Variants in ABCA1 observed in about 807,000 individuals in gnomAD.
ABCA1 encodes phospholipid-transporting ATPase ABCA1.
A neutral mutation model predicts 262.5 loss-of-function variants in ABCA1; 133 were observed. The ratio of observed to expected loss-of-function variants is 0.51; its 90% confidence interval spans 0.44 to 0.59. The LOEUF (loss-of-function observed/expected upper bound fraction) is 0.59. Among genes scored for constraint, ABCA1 ranks in the 20% least tolerant of loss-of-function variants. ABCA1 has a pLI of 0.00. For missense variants in ABCA1, 2,452 were observed against 2,777.5 expected (o/e 0.88, Z 2.63); for synonymous variants, 1,022 against 1,043.5 (o/e 0.98, Z 0.40).
chr9:104,810,935 G>C lies in ABCA1; in HGVS notation c.4051-11C>G. The C allele has an allele frequency of 6.2e-7, 1 of 1,614,128 alleles. No individual in the cohort carries two copies. The highest frequency in any genetic ancestry group is 8.5e-7 in the Non-Finnish European group (1 of 1,180,014). ...AGCTGGCAAGACAATCTTTACCCAG[G>C]CAGTGGAGGGGGCAGGGGGACAGCA... On this transcript the variant is annotated splice_polypyrimidine_tract_variant and intron_variant, in intron 28 of 49. Coordinates refer to ENST00000374736, the MANE Select transcript of ABCA1 (RefSeq NM_005502.4).
intron 20 of ABCA1, 150 bp from the exon 21 acceptor site, chr9:104,820,219 G>T: frequency 9.5e-7 from 1 of 1,051,402 alleles, no homozygotes; most frequent in Non-Finnish European, 1.4e-6. Flanking sequence ...TAATCTTCAA[G>T]ATTCAAGGTA....
chr9:104,837,177 G>T, intron 10 of ABCA1, 81 bp from the exon 11 acceptor site: 1 of 1,241,154 alleles, frequency 8.1e-7, no homozygotes, highest in Non-Finnish European at 1.2e-6. Flanking sequence ...TCCCTGAAAA[G>T]ATACCCCATC....
chr9:104,833,521 G>T (rs905375992), intron 11 of ABCA1, among the ~76,000 whole-genome samples: 3 of 152,074 alleles, frequency 2.0e-5, no homozygotes, highest in Non-Finnish European at 2.9e-5. Flanking sequence ...TGAGAAAATG[G>T]AAGTTCAGAG....
At position 104,874,955 on chromosome 9, in the gene ABCA1, C is replaced by T. The variant is rs1374132145; in HGVS notation, c.421+8084G>A. Among the ~76,000 whole-genome samples the T allele has an allele frequency of 4.7e-5, 7 of 149,510 alleles. No homozygotes were observed. The South Asian group carries it at 8.5e-4, about 18-fold the overall frequency. On this transcript the variant is annotated intron_variant, in intron 5 of 49. Coordinates refer to ENST00000374736, the MANE Select transcript of ABCA1 (RefSeq NM_005502.4). Reference sequence around the variant, plus strand: ...GCCGCCCCTTCTGGGAAGTGAGGAGCCCCTCTACCCGGCCGCCGCCCCATC... The same window carrying T: ...GCCGCCCCTTCTGGGAAGTGAGGAGTCCCTCTACCCGGCCGCCGCCCCATC...
chr9:104,829,247 A>C (rs1833050792), intron 14 of ABCA1, 109 bp from the exon 15 acceptor site: 1 of 991,260 alleles, frequency 1.0e-6, no homozygotes, highest in Non-Finnish European at 1.6e-6. Context: ...CATCTGGGCC[A>C]CAGAAGGACA....
chr9:104,870,168 C>T (rs1837474973), intron 5 of ABCA1, among the ~76,000 whole-genome samples: 1 of 152,210 alleles, frequency 6.6e-6, no homozygotes. Context: ...TTAGGAACCA[C>T]ACATTCCTTC....
At chr9:104,789,695 C>A (rs530439811) in intron 44 of ABCA1, among the ~76,000 whole-genome samples, 1 of 152,310 alleles carries the variant, frequency 6.6e-6, no homozygotes, top group Non-Finnish European at 1.5e-5. Flanking sequence ...CATGTGTCTA[C>A]ATGTCTGTGT....
intron 48 of ABCA1, 95 bp from the exon 49 acceptor site, chr9:104,785,734 G>A (rs2092079253): frequency 2.0e-6 from 3 of 1,485,766 alleles, no homozygotes; most frequent in South Asian, 1.2e-5. Flanking sequence ...CATGAAAAAG[G>A]GCGGCCCCTG....
intron 22 of ABCA1, 125 bp from the exon 23 acceptor site, chr9:104,819,008 C>T (rs934963449): frequency 1.1e-6 from 1 of 885,426 alleles, no homozygotes; most frequent in African/African-American, 1.7e-5. Context: ...AGCCACCTTT[C>T]ACCCTGTATG....
chr9:104,816,064 G>A, intron 25 of ABCA1, 79 bp downstream of exon 25: 1 of 1,463,838 alleles, frequency 6.8e-7, no homozygotes, highest in Non-Finnish European at 9.6e-7. Flanking sequence ...TGATAATCCT[G>A]CTCCCAATGC....
intron 7 of ABCA1, among the ~76,000 whole-genome samples, chr9:104,856,658 G>C (rs1002524254): frequency 6.6e-6 from 1 of 152,176 alleles, no homozygotes; most frequent in Admixed American, 6.5e-5. Context: ...ATTTTACCGG[G>C]TTGTGTACAC....
intron 1 of ABCA1, among the ~76,000 whole-genome samples, chr9:104,905,600 A>G (rs1841065672): frequency 6.6e-6 from 1 of 152,256 alleles, no homozygotes; most frequent in Non-Finnish European, 1.5e-5. Context: ...CCAGCACTGC[A>G]TCAGTTTGTT....
chr9:104,821,465 G>A lies in ABCA1; in HGVS notation c.2870C>T (p.Ala957Val). ...GCGAATGTCTTTTCCCAGGATGTAG[G>A]CGGTGCCCGAGGTCGGGGGGAACAA... ...TGLFPPTSGT[A>V]YILGKDIRSE... Residue 957 changes from alanine to valine, a missense_variant, in exon 20 of 50, where the codon GCC (alanine) becomes GTC (valine). By Grantham distance (64) the Ala-to-Val change is moderately conservative. Coordinates refer to ENST00000374736, the MANE Select transcript of ABCA1 (RefSeq NM_005502.4). 1 of 1,614,088 alleles carries A rather than the reference G, an allele frequency of 6.2e-7. No individual in the cohort carries two copies. Among genetic ancestry groups the A allele is most frequent in the Non-Finnish European group, 8.5e-7 (1 of 1,180,042 alleles).
chr9:104,926,208 C>T (rs1379169983), intron 1 of ABCA1, among the ~76,000 whole-genome samples: 1 of 152,072 alleles, frequency 6.6e-6, no homozygotes, highest in African/African-American at 2.4e-5. Context: ...TACCCATTCT[C>T]TTCTTGAAGT....
rs779492225 is a variant in ABCA1, at chr9:104,858,612, T to C, written c.630A>G (p.Glu210=). 1 of 1,614,236 alleles carries C rather than the reference T, an allele frequency of 6.2e-7. No homozygotes were observed. The highest frequency in any genetic ancestry group is 8.5e-7 in the Non-Finnish European group (1 of 1,180,046). The change falls in exon 7 of 50, where the codon GAA becomes GAG. Residue 210 remains glutamate (E), a synonymous_variant. Transcript: ENST00000374736. The part of the protein sequence containing the change: ...SEEMIQLGDQ[E]VSELCGLPRE... ...TTGGTAGGCCACAAAGCTCAGAAAC[T>C]TCTTGGTCACCAAGTTGAATCATCT...
rs1832466940 is a variant in ABCA1 at position 104,822,678 on chromosome 9, A to G, written c.2657-11T>C. 6.2e-7 allele frequency: 1 copy of G among 1,613,904 alleles called. No individual in the cohort carries two copies. The highest frequency in any genetic ancestry group is 1.3e-5 in the African/African-American group (1 of 75,032). On this transcript the variant is annotated splice_polypyrimidine_tract_variant and intron_variant, in intron 18 of 49. Coordinates refer to ENST00000374736, the MANE Select transcript of ABCA1 (RefSeq NM_005502.4). Reference sequence around the variant, plus strand: ...CCTCCTCCATGCAGACTGTGACAGGAGAGAAGACAGAAATGAACCCACAGA... The same window carrying G: ...CCTCCTCCATGCAGACTGTGACAGGGGAGAAGACAGAAATGAACCCACAGA...
chr9:104,884,692 C>A (rs1838997457), intron 3 of ABCA1, 124 bp from the exon 4 acceptor site: 1 of 1,154,516 alleles, frequency 8.7e-7, no homozygotes, highest in Middle Eastern at 2.2e-4. Context: ...ATCCCAGAGA[C>A]CTGTCTCTTC....
At chr9:104,839,026 A>G (rs142520006) in intron 9 of ABCA1, among the ~76,000 whole-genome samples, 1 of 152,316 alleles carries the variant, frequency 6.6e-6, no homozygotes, top group East Asian at 1.9e-4. Flanking sequence ...AATAAAGTAC[A>G]AAACCTGCCT....
At chr9:104,845,377 A>C (rs1834771170) in intron 8 of ABCA1, 100 bp downstream of exon 8, 1 of 778,684 alleles carries the variant, frequency 1.3e-6, no homozygotes, top group Admixed American at 1.9e-5. Flanking sequence ...ATTACATCCC[A>C]TGTGATATTC....
Sources: gnomAD v4.1 joint callset for allele counts (sites outside exome capture counted in the v4.1 genomes callset) on GRCh38, gnomAD v4.1.1 for gene constraint, MANE v1.5 for transcripts, NCBI Gene and HGNC (gene_info 2026-07-23, HGNC 2026-07-21) for gene names.